PRELID2: variants seen among roughly 807,000 people sequenced by gnomAD.
The protein encoded by PRELID2 is PRELI domain containing 2, also known as PRELI domain-containing protein 2.
In PRELID2, 25 loss-of-function variants were observed where a neutral mutation model predicts 28.4. The observed-to-expected ratio is 0.88, with a 90% CI of 0.64 to 1.23. PRELID2 has a LOEUF of 1.23. Among genes scored for constraint, PRELID2 ranks in the 50% most tolerant of loss-of-function variants. The pLI is 0.00. For missense variants in PRELID2, 201 were observed against 214.4 expected (o/e 0.94, Z 0.39); for synonymous variants, 76 against 71.6 (o/e 1.06, Z -0.31).
Position 145,699,584 on chromosome 5 carries a change from C to A in PRELID2, n.70+65347G>T, listed in dbSNP as rs78285155. On this transcript the variant is annotated intron_variant and non_coding_transcript_variant, in intron 1 of 2. Transcript: ENST00000510259. The stretch of plus-strand genomic sequence containing the variant: ...ATTGACATTGATGAAATAGGAAAAC[C>A]CTTGCACCACAGCCTTCTTCCCATT... Among the ~76,000 whole-genome samples the A allele has an allele frequency of 5.3e-5, 8 of 152,174 alleles. No individual in the cohort carries two copies. The East Asian group carries it at 1.5e-3, about 29-fold the overall frequency.
the PRELID2 span, chr5:145,441,286 GA>G: frequency 2.0e-5 from 3 of 152,062 alleles, no homozygotes; most frequent in Admixed American, 6.6e-5. Flanking sequence ...TCCAACAGCT[GA>G]AAAAACTCAA....
chr5:145,333,295 G>A, the PRELID2 span, among the ~76,000 whole-genome samples: 110 of 152,306 alleles, frequency 7.2e-4, no homozygotes, highest in East Asian at 5.8e-4. Flanking sequence ...GAGCATGAGC[G>A]CTATGCTGGG....
At chr5:145,605,282 C>G (rs1037775584) in intron 1 of PRELID2, among the ~76,000 whole-genome samples, 1 of 152,034 alleles carries the variant, frequency 6.6e-6, no homozygotes, top group Non-Finnish European at 1.5e-5. Flanking sequence ...CCTAGGGTAT[C>G]TTCCAGGGTT....
the PRELID2 span, among the ~76,000 whole-genome samples, chr5:145,331,798 T>C: frequency 6.6e-6 from 1 of 152,212 alleles, no homozygotes; most frequent in South Asian, 2.1e-4. Flanking sequence ...ATGTGTAAAT[T>C]TGATCCTGTC....
intron 1 of PRELID2, among the ~76,000 whole-genome samples, chr5:145,678,215 A>C (rs920457182): frequency 6.6e-6 from 1 of 152,222 alleles, no homozygotes; most frequent in Non-Finnish European, 1.5e-5. Flanking sequence ...TTGCTTAGGC[A>C]TCCTCGTGAA....
the PRELID2 span, chr5:145,440,985 C>G: frequency 4.6e-5 from 7 of 152,012 alleles, no homozygotes; most frequent in East Asian, 7.7e-4. Context: ...TGTTCATTAT[C>G]TATTCATGAG....
chr5:145,691,772 C>A (rs1240220064), intron 1 of PRELID2, among the ~76,000 whole-genome samples: 1 of 152,028 alleles, frequency 6.6e-6, no homozygotes, highest in East Asian at 1.9e-4. Context: ...AAATCTTAAT[C>A]AAAAGACAGC....
At chr5:145,393,954 ACAGT>A in the PRELID2 span, among the ~76,000 whole-genome samples, 4 of 152,184 alleles carry the variant, frequency 2.6e-5, no homozygotes, top group Admixed American at 1.3e-4. Context: ...AATACTTAAG[ACAGT>A]CAGGACACTT....
chr5:145,268,960 T>A, the PRELID2 span, among the ~76,000 whole-genome samples: 7 of 152,096 alleles, frequency 4.6e-5, no homozygotes, highest in Admixed American at 4.6e-4. Context: ...TAAATGTGAC[T>A]TAAATTAATT....
At chr5:145,280,993 T>C in the PRELID2 span, among the ~76,000 whole-genome samples, 2 of 152,160 alleles carry the variant, frequency 1.3e-5, no homozygotes, top group South Asian at 4.1e-4. Flanking sequence ...CAGCAGTATC[T>C]AGATGCTCAA....
chr5:145,397,223 A>T, the PRELID2 span, among the ~76,000 whole-genome samples: 20 of 152,266 alleles, frequency 1.3e-4, no homozygotes, highest in Non-Finnish European at 2.9e-4. Flanking sequence ...TTCCCTCTAC[A>T]TGTTCCGAAG....
At chr5:145,371,641 G>A in the PRELID2 span, among the ~76,000 whole-genome samples, 6 of 151,986 alleles carry the variant, frequency 3.9e-5, no homozygotes, top group Non-Finnish European at 7.4e-5. Flanking sequence ...GAGTTAGGGA[G>A]GAGTCCCTTC....
At chr5:145,560,560 A>G (rs1361569050) in intron 1 of PRELID2, among the ~76,000 whole-genome samples, 2 of 152,236 alleles carry the variant, frequency 1.3e-5, no homozygotes, top group Admixed American at 6.5e-5. Flanking sequence ...CCAACTGCCA[A>G]TAACTAAGAA....
chr5:145,411,367 C>T, the PRELID2 span, among the ~76,000 whole-genome samples: 5 of 152,314 alleles, frequency 3.3e-5, no homozygotes, highest in East Asian at 9.6e-4. Flanking sequence ...CTGGGCACCT[C>T]CCACAACATG....
At chr5:145,715,825 T>C (rs1280913441) in intron 1 of PRELID2, among the ~76,000 whole-genome samples, 1 of 152,218 alleles carries the variant, frequency 6.6e-6, no homozygotes, top group Non-Finnish European at 1.5e-5. Flanking sequence ...GAGAAGGCTT[T>C]CTTGACCATC....
At chr5:145,654,156 G>T (rs1320005087) in intron 1 of PRELID2, among the ~76,000 whole-genome samples, 1 of 152,134 alleles carries the variant, frequency 6.6e-6, no homozygotes, top group African/African-American at 2.4e-5. Context: ...TAGAAGAAAT[G>T]GATAAATTCC....
the PRELID2 span, among the ~76,000 whole-genome samples, chr5:145,262,891 G>C: frequency 6.6e-6 from 1 of 151,992 alleles, no homozygotes; most frequent in African/African-American, 2.4e-5. Context: ...AAAAGATACA[G>C]AATGGCATAA....
At chr5:145,720,970 T>C (rs1360247266) in intron 1 of PRELID2, among the ~76,000 whole-genome samples, 4 of 152,080 alleles carry the variant, frequency 2.6e-5, no homozygotes, top group African/African-American at 9.6e-5. Flanking sequence ...ATATCTGCCA[T>C]ATTAGAAATT....
chr5:145,366,691 A>G, the PRELID2 span, among the ~76,000 whole-genome samples: 1 of 151,914 alleles, frequency 6.6e-6, no homozygotes, highest in African/African-American at 2.4e-5. Context: ...GTGTTCTCAC[A>G]AACCAAAGCG....
Sources: gnomAD v4.1 joint callset for allele counts (sites outside exome capture counted in the v4.1 genomes callset) on GRCh38, gnomAD v4.1.1 for gene constraint, MANE v1.5 for transcripts, NCBI Gene and HGNC (gene_info 2026-07-23, HGNC 2026-07-21) for gene names.